The following ELOVL7 variants were observed in gnomAD, a reference collection of about 807,000 sequenced individuals.
The protein encoded by ELOVL7 is very long chain fatty acid elongase 7.
A neutral mutation model predicts 35.7 loss-of-function variants in ELOVL7; 27 were observed. The observed-to-expected ratio is 0.76, with a 90% confidence interval of 0.56 to 1.04. The LOEUF is 1.04. Ranked by LOEUF, ELOVL7 falls within the 50% of genes least tolerant of loss-of-function variation. The probability of loss-of-function intolerance (pLI) is 0.00; values close to 1 mark genes in which losing one functional copy is unlikely to be tolerated. For synonymous variants in ELOVL7, 113 were observed against 114.6 expected, an observed-to-expected ratio of 0.99 and a Z score of 0.09; for missense variants, 327 against 340.8, an observed-to-expected ratio of 0.96 and a Z score of 0.32.
At chr5:60,812,146 G>A (rs1745272312) in intron 1 of ELOVL7, among the ~76,000 whole-genome samples, 1 of 152,178 alleles carries the variant, frequency 6.6e-6, no homozygotes, top group South Asian at 2.1e-4. Context: ...CTGAAGCCCA[G>A]TAGTTTGAGG....
chr5:60,763,519 A>T (rs1404914200), intron 7 of ELOVL7, among the ~76,000 whole-genome samples: 3 of 152,196 alleles, frequency 2.0e-5, no homozygotes, highest in Non-Finnish European at 4.4e-5. Flanking sequence ...TAAATCCCCC[A>T]ACCAAATTTT....
At chr5:60,812,947 T>C (rs982417586) in intron 1 of ELOVL7, among the ~76,000 whole-genome samples, 1 of 152,204 alleles carries the variant, frequency 6.6e-6, no homozygotes, top group Admixed American at 6.5e-5. Flanking sequence ...CTCTCTTTGC[T>C]TTCTATCTAC....
chr5:60,757,063 G>A (rs1029172433), intron 8 of ELOVL7, among the ~76,000 whole-genome samples: 6 of 152,036 alleles, frequency 3.9e-5, no homozygotes, highest in African/African-American at 1.4e-4. Flanking sequence ...AATTCTCACA[G>A]TGCTTTTTAT....
At chr5:60,787,095 G>T (rs1216145069) in intron 3 of ELOVL7, among the ~76,000 whole-genome samples, 3 of 152,108 alleles carry the variant, frequency 2.0e-5, no homozygotes, top group Non-Finnish European at 4.4e-5. Context: ...TTATTGATCA[G>T]TTCCCTTCAC....
intron 1 of ELOVL7, among the ~76,000 whole-genome samples, chr5:60,822,157 A>G (rs1001573011): frequency 6.6e-5 from 10 of 152,234 alleles, no homozygotes; most frequent in Admixed American, 5.2e-4. Context: ...AGACTGAGCT[A>G]TTTCTTGGTG....
At chr5:60,798,182 C>G (rs1015072575) in intron 2 of ELOVL7, among the ~76,000 whole-genome samples, 1 of 152,298 alleles carries the variant, frequency 6.6e-6, no homozygotes, top group Admixed American at 6.5e-5. Flanking sequence ...GTCACAGATA[C>G]GTGTCCTCAA....
intron 3 of ELOVL7, among the ~76,000 whole-genome samples, chr5:60,776,689 T>C (rs1478753255): frequency 6.6e-6 from 1 of 152,050 alleles, no homozygotes; most frequent in Non-Finnish European, 1.5e-5. Context: ...CAGGTATAGA[T>C]GGGAACAACA....
intron 1 of ELOVL7, among the ~76,000 whole-genome samples, chr5:60,808,843 G>A (rs565063058): frequency 6.6e-6 from 1 of 152,286 alleles, no homozygotes; most frequent in Admixed American, 6.5e-5. Context: ...CTGTATTTCT[G>A]TTAAGTGAAA....
intron 1 of ELOVL7, among the ~76,000 whole-genome samples, chr5:60,827,598 T>C (rs1265310619): frequency 6.6e-6 from 1 of 152,222 alleles, no homozygotes; most frequent in Non-Finnish European, 1.5e-5. Context: ...CTTTAGCTAC[T>C]ATAATGAGAT....
chr5:60,818,305 G>A (rs970878544), intron 1 of ELOVL7, among the ~76,000 whole-genome samples: 7 of 127,462 alleles, frequency 5.5e-5, no homozygotes, highest in Admixed American at 2.5e-4. Flanking sequence ...GCAACAGAGT[G>A]AGGTTCCATC....
chr5:60,776,271 A>G (rs1024882318), intron 3 of ELOVL7, among the ~76,000 whole-genome samples: 9 of 152,224 alleles, frequency 5.9e-5, no homozygotes, highest in Non-Finnish European at 1.5e-5. Context: ...ATGCTTATAC[A>G]CTGTTGGTGG....
chr5:60,772,654 C>T (rs1057377570), intron 3 of ELOVL7, among the ~76,000 whole-genome samples: 2 of 152,172 alleles, frequency 1.3e-5, no homozygotes, highest in African/African-American at 4.8e-5. Context: ...ACTCTCCTCC[C>T]TCTCTCCACT....
intron 1 of ELOVL7, among the ~76,000 whole-genome samples, chr5:60,839,452 G>T (rs1435478617): frequency 2.0e-5 from 3 of 152,146 alleles, no homozygotes; most frequent in Non-Finnish European, 4.4e-5. Flanking sequence ...AATCAATTAG[G>T]AATAATGGAA....
chr5:60,814,197 G>A (rs1021964882), intron 1 of ELOVL7, among the ~76,000 whole-genome samples: 5 of 152,042 alleles, frequency 3.3e-5, no homozygotes, highest in South Asian at 2.1e-4. Flanking sequence ...TTTAAAAATC[G>A]GTGGTTCTGA....
At chr5:60,783,491 C>T (rs1224391380) in intron 3 of ELOVL7, among the ~76,000 whole-genome samples, 3 of 152,102 alleles carry the variant, frequency 2.0e-5, no homozygotes, top group Non-Finnish European at 4.4e-5. Context: ...AGGTAGTGGG[C>T]ATGTTACAGG....
At position 60,771,894 on chromosome 5, in the gene ELOVL7, G is replaced by C. The variant is rs1311214123; in HGVS notation, c.255+9C>G. The C allele has an allele frequency of 6.4e-7, 1 of 1,565,710 alleles. No individual in the cohort carries two copies. The highest frequency in any genetic ancestry group is 8.7e-7 in the Non-Finnish European group (1 of 1,150,992). On this transcript the variant is annotated intron_variant, in intron 4 of 8. Transcript: ENST00000508821. ...AAATTCTCCCATTAGGAATACTGAA[G>C]ACACTTGCCTCATAACACATATACA...
chr5:60,813,599 C>T (rs1363528259), intron 1 of ELOVL7, among the ~76,000 whole-genome samples: 3 of 152,126 alleles, frequency 2.0e-5, no homozygotes, highest in Admixed American at 6.6e-5. Context: ...CCCATTCCTC[C>T]CTCCCAATCT....
intron 3 of ELOVL7, among the ~76,000 whole-genome samples, chr5:60,785,429 T>C (rs1341141662): frequency 6.6e-6 from 1 of 152,350 alleles, no homozygotes; most frequent in East Asian, 1.9e-4. Flanking sequence ...ATTATCTACA[T>C]CTATTCAGCT....
intron 3 of ELOVL7, among the ~76,000 whole-genome samples, chr5:60,777,698 TGAGGAC>T (rs1742990941): frequency 6.6e-6 from 1 of 152,058 alleles, no homozygotes; most frequent in Non-Finnish European, 1.5e-5. Flanking sequence ...GTCAGGATCC[TGAGGAC>T]TCAGCATTCA....
Sources: gnomAD v4.1 joint callset for allele counts (sites outside exome capture counted in the v4.1 genomes callset) on GRCh38, gnomAD v4.1.1 for gene constraint, MANE v1.5 for transcripts, NCBI Gene and HGNC (gene_info 2026-07-23, HGNC 2026-07-21) for gene names.